Variants in GSK3B observed in about 807,000 individuals in gnomAD.
GSK3B encodes glycogen synthase kinase-3 beta.
A neutral mutation model predicts 56.4 loss-of-function variants in GSK3B; 15 were observed. The ratio of observed to expected loss-of-function variants is 0.27; its 90% CI spans 0.18 to 0.41. The LOEUF (loss-of-function observed/expected upper bound fraction) is 0.41, where lower values mean the gene tolerates loss of function less well. Ranked by LOEUF, GSK3B falls within the 10% of genes least tolerant of loss-of-function variation. The probability of loss-of-function intolerance (pLI) is 1.00; values close to 1 mark genes in which losing one functional copy is unlikely to be tolerated. For synonymous variants in GSK3B, 181 were observed against 188.9 expected (o/e 0.96, Z 0.34); for missense variants, 300 against 513.4 (o/e 0.58, Z 4.02).
chr3:119,844,510 C>T (rs2108012832), intron 9 of GSK3B, among the ~76,000 whole-genome samples: 1 of 152,238 alleles, frequency 6.6e-6, no homozygotes, highest in East Asian at 1.9e-4. Context: ...CACCACTGAT[C>T]CCACAGAAAT....
intron 4 of GSK3B, among the ~76,000 whole-genome samples, chr3:119,922,410 T>C (rs950827294): frequency 3.4e-5 from 5 of 148,058 alleles, no homozygotes; most frequent in East Asian, 1.9e-4. Context: ...CACTATAGTA[T>C]ATATAGTTTA....
At chr3:119,918,349 T>C (rs924702095) in intron 4 of GSK3B, among the ~76,000 whole-genome samples, 1 of 151,486 alleles carries the variant, frequency 6.6e-6, no homozygotes, top group Non-Finnish European at 1.5e-5. Context: ...GGTGCACGCC[T>C]GTAATCCCAG....
At chr3:120,024,395 A>G (rs926821278) in intron 1 of GSK3B, among the ~76,000 whole-genome samples, 2 of 152,204 alleles carry the variant, frequency 1.3e-5, no homozygotes, top group Non-Finnish European at 2.9e-5. Context: ...GGGAGAGTAT[A>G]ATAGACATTC....
chr3:119,987,972 T>C (rs2057531903), intron 2 of GSK3B, among the ~76,000 whole-genome samples: 1 of 152,246 alleles, frequency 6.6e-6, no homozygotes. Context: ...GTGTCATCCT[T>C]GTCAATTGTG....
intron 2 of GSK3B, among the ~76,000 whole-genome samples, chr3:119,991,784 T>C (rs2057568759): frequency 6.6e-6 from 1 of 151,960 alleles, no homozygotes; most frequent in South Asian, 2.1e-4. Context: ...ATACTTAAAT[T>C]CCACAAAGGA....
intron 1 of GSK3B, among the ~76,000 whole-genome samples, chr3:120,047,593 T>C (rs1455593159): frequency 2.6e-5 from 4 of 152,228 alleles, no homozygotes; most frequent in Non-Finnish European, 4.4e-5. Context: ...TAGAATATGG[T>C]ACATAACAAA....
intron 9 of GSK3B, among the ~76,000 whole-genome samples, chr3:119,862,524 T>TAAAAAAAA (rs5852229): frequency 2.7e-5 from 3 of 111,886 alleles, no homozygotes; most frequent in African/African-American, 7.1e-5. Flanking sequence ...TAGAGTATAA[T>TAAAAAAAA]AAAAAAAAAA....
chr3:119,851,511 G>A (rs773526472), intron 9 of GSK3B, among the ~76,000 whole-genome samples: 1 of 152,158 alleles, frequency 6.6e-6, no homozygotes, highest in Non-Finnish European at 1.5e-5. Flanking sequence ...ACTGTTGTGT[G>A]AAAGATGAGG....
At chr3:119,837,341 A>G (rs1303297398) in intron 10 of GSK3B, among the ~76,000 whole-genome samples, 1 of 121,718 alleles carries the variant, frequency 8.2e-6, no homozygotes, top group Non-Finnish European at 1.8e-5. Context: ...TTTTTTTTGT[A>G]TATTTAGTAG....
In GSK3B at chr3:119,981,214, A is replaced by G. The variant is rs146559521; in HGVS notation, c.282+20832T>C. ...TTTTCAACAAAAGTAAAGTTTACTA[A>G]AAGTTAACAGCGTAGCCAAGATGGC... On this transcript the variant is annotated intron_variant, in intron 2 of 10. Coordinates refer to ENST00000264235, the MANE Select transcript of GSK3B (RefSeq NM_001146156.2). Among the ~76,000 whole-genome samples the G allele has an allele frequency of 4.2e-3, 637 of 152,324 alleles. 4 individuals are homozygous for G. The highest frequency in any genetic ancestry group is 0.015 in the African/African-American group (613 of 41,570).
intron 1 of GSK3B, among the ~76,000 whole-genome samples, chr3:120,022,395 T>C (rs990325331): frequency 1.3e-5 from 2 of 152,218 alleles, no homozygotes; most frequent in Non-Finnish European, 1.5e-5. Flanking sequence ...TGCTTTACTG[T>C]GGTGGTCTGG....
intron 1 of GSK3B, among the ~76,000 whole-genome samples, chr3:120,075,816 A>G (rs2058362866): frequency 6.6e-6 from 1 of 152,198 alleles, no homozygotes; most frequent in South Asian, 2.1e-4. Context: ...GCAACAAAAC[A>G]GATTCAACGC....
intron 1 of GSK3B, among the ~76,000 whole-genome samples, chr3:120,005,650 C>G (rs1203962875): frequency 5.9e-5 from 9 of 152,184 alleles, no homozygotes; most frequent in Admixed American, 5.9e-4. Flanking sequence ...GAATTTTCAA[C>G]CCAGAATTTC....
intron 1 of GSK3B, 89 bp from the exon 2 acceptor site, chr3:120,002,328 C>G: frequency 1.7e-6 from 1 of 589,078 alleles, no homozygotes; most frequent in South Asian, 5.1e-5. Context: ...AAACTATATT[C>G]TTTATTTTTT....
At chr3:119,919,371 T>C (rs552362479) in intron 4 of GSK3B, among the ~76,000 whole-genome samples, 3 of 152,146 alleles carry the variant, frequency 2.0e-5, no homozygotes, top group South Asian at 2.1e-4. Context: ...AATAAAACTA[T>C]GTAGAATGAC....
chr3:119,841,688 A>C (rs565577219), intron 10 of GSK3B, among the ~76,000 whole-genome samples: 4 of 152,322 alleles, frequency 2.6e-5, no homozygotes, highest in South Asian at 4.1e-4. Flanking sequence ...TGTTGTCCTA[A>C]AGTAATTGCC....
At chr3:120,080,184 T>A (rs1299174292) in intron 1 of GSK3B, among the ~76,000 whole-genome samples, 1 of 151,802 alleles carries the variant, frequency 6.6e-6, no homozygotes, top group Admixed American at 6.6e-5. Context: ...CCAACTAATG[T>A]GGATGCTGAG....
chr3:119,900,245 C>T lies in GSK3B; in HGVS notation c.813+5510G>A, dbSNP rs539914720. Among the ~76,000 whole-genome samples, 218 of 152,102 alleles carry T rather than the reference C, an allele frequency of 1.4e-3. 1 individual carries two copies. Among genetic ancestry groups the T allele is most frequent in the African/African-American group, 5.0e-3 (207 of 41,528 alleles). On this transcript the variant is annotated intron_variant, in intron 7 of 10. Coordinates refer to ENST00000264235, the MANE Select transcript of GSK3B (RefSeq NM_001146156.2). ...AGGCCAGTTACAAAAACTATGAAAGCTATACTGAAATTCTATTATCAAGAG... is the reference window on the plus strand; with the variant it reads ...AGGCCAGTTACAAAAACTATGAAAGTTATACTGAAATTCTATTATCAAGAG...
At chr3:119,919,681 T>C (rs965971878) in intron 4 of GSK3B, among the ~76,000 whole-genome samples, 7 of 152,136 alleles carry the variant, frequency 4.6e-5, no homozygotes, top group African/African-American at 7.2e-5. Flanking sequence ...AGCTCAACTA[T>C]TTGCTGGCAA....
Sources: gnomAD v4.1 joint callset for allele counts (sites outside exome capture counted in the v4.1 genomes callset) on GRCh38, gnomAD v4.1.1 for gene constraint, MANE v1.5 for transcripts, NCBI Gene and HGNC (gene_info 2026-07-23, HGNC 2026-07-21) for gene names.